The following OPCML variants were observed in gnomAD, a reference collection of about 807,000 sequenced individuals.
The protein encoded by OPCML is opioid-binding protein/cell adhesion molecule.
OPCML carries 13 observed loss-of-function variants against 37.8 expected under a neutral mutation model. That is an observed-to-expected ratio of 0.34 (90% CI 0.22 to 0.55). The LOEUF is 0.55. OPCML is among the 20% of genes least tolerant of loss of function. The pLI is 0.91. For missense variants in OPCML, 341 were observed against 435.6 expected, an observed-to-expected ratio of 0.78 and a Z score of 1.93; for synonymous variants, 176 against 168.8, an observed-to-expected ratio of 1.04 and a Z score of -0.33.
At chr11:132,534,860 G>GTA (rs1411260851) in intron 3 of OPCML, among the ~76,000 whole-genome samples, 1 of 152,066 alleles carries the variant, frequency 6.6e-6, no homozygotes, top group Non-Finnish European at 1.5e-5. Context: ...ATTAGCCTTT[G>GTA]TATATACTCA....
At chr11:132,886,507 T>C (rs928896018) in intron 2 of OPCML, among the ~76,000 whole-genome samples, 2 of 152,212 alleles carry the variant, frequency 1.3e-5, no homozygotes, top group South Asian at 2.1e-4. Context: ...GCTGGGGGCC[T>C]CTCCAGCATG....
chr11:133,095,276 T>C (rs889925978), intron 1 of OPCML, among the ~76,000 whole-genome samples: 18 of 110,666 alleles, frequency 1.6e-4, no homozygotes, highest in Non-Finnish European at 2.6e-4. Context: ...TTAATGTAAA[T>C]GTTTTTTTTT....
chr11:133,163,262 G>C (rs1436774077), intron 1 of OPCML, among the ~76,000 whole-genome samples: 4 of 152,180 alleles, frequency 2.6e-5, no homozygotes, highest in African/African-American at 9.7e-5. Context: ...ACGTGTTCCT[G>C]CATGACTGGT....
intron 2 of OPCML, among the ~76,000 whole-genome samples, chr11:132,785,303 T>C (rs912803937): frequency 6.6e-6 from 1 of 152,188 alleles, no homozygotes; most frequent in South Asian, 2.1e-4. Context: ...ATTTATCACA[T>C]GAGGGATCTA....
At chr11:133,222,369 A>G (rs1217310161) in intron 1 of OPCML, among the ~76,000 whole-genome samples, 1 of 152,162 alleles carries the variant, frequency 6.6e-6, no homozygotes, top group Non-Finnish European at 1.5e-5. Flanking sequence ...GGCAGAGGTT[A>G]TGGGGGAAAG....
chr11:133,359,087 C>T (rs181314493), intron 1 of OPCML, among the ~76,000 whole-genome samples: 2 of 152,194 alleles, frequency 1.3e-5, no homozygotes, highest in Non-Finnish European at 2.9e-5. Context: ...GAGAACTTAA[C>T]TTACGGTCCC....
intron 1 of OPCML, among the ~76,000 whole-genome samples, chr11:132,980,711 T>C (rs1946562445): frequency 6.6e-6 from 1 of 152,196 alleles, no homozygotes; most frequent in African/African-American, 2.4e-5. Flanking sequence ...GCTCAGTTCA[T>C]AGACAAGAGA....
Position 133,086,630 on chromosome 11 carries a change from ACAAT to A in OPCML, c.62-143624_62-143621del, listed in dbSNP as rs531148513. Among the ~76,000 whole-genome samples, 282 of 152,282 alleles carry A rather than the reference ACAAT, an allele frequency of 1.9e-3. 1 individual carries two copies. The highest frequency in any genetic ancestry group is 3.1e-3 in the Non-Finnish European group (213 of 68,024). ...GTGTAATGCATGGTGTAATGACTGCACAATCAAATTAAGGAACACATTCATCACC... is the reference window on the plus strand; with the variant it reads ...GTGTAATGCATGGTGTAATGACTGCACAAATTAAGGAACACATTCATCACC... On this transcript the variant is annotated intron_variant, in intron 1 of 7. Coordinates refer to ENST00000524381, the MANE Select transcript of OPCML (RefSeq NM_001012393.5).
At chr11:132,642,731 T>G (rs886847113) in intron 3 of OPCML, among the ~76,000 whole-genome samples, 3 of 152,180 alleles carry the variant, frequency 2.0e-5, no homozygotes, top group Non-Finnish European at 2.9e-5. Flanking sequence ...GGGGCATGCT[T>G]TCTTTCCCAC....
At chr11:132,503,940 A>G (rs2096250970) in intron 4 of OPCML, among the ~76,000 whole-genome samples, 3 of 152,226 alleles carry the variant, frequency 2.0e-5, no homozygotes, top group Non-Finnish European at 4.4e-5. Context: ...AGAGTAACCT[A>G]GCATATTAAA....
chr11:132,986,570 A>G (rs973513303), intron 1 of OPCML, among the ~76,000 whole-genome samples: 2 of 152,216 alleles, frequency 1.3e-5, no homozygotes, highest in Non-Finnish European at 2.9e-5. Flanking sequence ...TAGGTGACCT[A>G]CTCAATAAAC....
chr11:132,675,979 G>A (rs1277962429), intron 2 of OPCML, among the ~76,000 whole-genome samples: 1 of 152,114 alleles, frequency 6.6e-6, no homozygotes, highest in Non-Finnish European at 1.5e-5. Context: ...ACTCAGAACA[G>A]CCACACAATC....
At chr11:132,585,375 GA>G (rs1411639109) in intron 3 of OPCML, among the ~76,000 whole-genome samples, 2 of 151,144 alleles carry the variant, frequency 1.3e-5, no homozygotes, top group African/African-American at 4.9e-5. Flanking sequence ...TCCTTATGTT[GA>G]AATTTCCTGT....
chr11:133,377,020 C>T (rs1405832029), intron 1 of OPCML, among the ~76,000 whole-genome samples: 5 of 152,028 alleles, frequency 3.3e-5, no homozygotes, highest in Non-Finnish European at 7.4e-5. Context: ...CGGCGACAAG[C>T]GGGCAGGGGG....
chr11:133,514,721 A>G (rs904161186), intron 1 of OPCML, among the ~76,000 whole-genome samples: 2 of 152,172 alleles, frequency 1.3e-5, no homozygotes, highest in African/African-American at 4.8e-5. Context: ...TTTATAACCC[A>G]CTGATTTTAA....
intron 4 of OPCML, among the ~76,000 whole-genome samples, chr11:132,511,599 A>G (rs2096268960): frequency 6.6e-6 from 1 of 152,074 alleles, no homozygotes; most frequent in Non-Finnish European, 1.5e-5. Flanking sequence ...ATTCCCAGAA[A>G]GAAATCAGTC....
At position 133,499,752 on chromosome 11, in the gene OPCML, C is replaced by T. The variant is rs529465416; in HGVS notation, c.61+32512G>A. ...CAGGAGATCAAAAACAAATGACCAA[C>T]ACCACCAGCAGAAAAATAAATATAT... On this transcript the variant is annotated intron_variant, in intron 1 of 7. Coordinates refer to ENST00000524381, the MANE Select transcript of OPCML (RefSeq NM_001012393.5). Among the ~76,000 whole-genome samples, 417 of 147,826 alleles carry T rather than the reference C, an allele frequency of 2.8e-3. 2 individuals carry two copies. The highest frequency in any genetic ancestry group is 8.5e-3 in the African/African-American group (343 of 40,190).
chr11:132,467,101 A>C (rs1022626628), intron 4 of OPCML, among the ~76,000 whole-genome samples: 14 of 152,180 alleles, frequency 9.2e-5, no homozygotes, highest in African/African-American at 2.9e-4. Context: ...GGCCTGAGAT[A>C]CGGCACCCAT....
intron 3 of OPCML, among the ~76,000 whole-genome samples, chr11:132,651,683 G>A (rs997926647): frequency 6.6e-6 from 1 of 152,098 alleles, no homozygotes; most frequent in Non-Finnish European, 1.5e-5. Flanking sequence ...GGACTGGCAG[G>A]GCTGGGAACA....
Sources: gnomAD v4.1 joint callset for allele counts (sites outside exome capture counted in the v4.1 genomes callset) on GRCh38, gnomAD v4.1.1 for gene constraint, MANE v1.5 for transcripts, NCBI Gene and HGNC (gene_info 2026-07-23, HGNC 2026-07-21) for gene names.